Variants in ITPR3 observed in about 807,000 individuals in gnomAD.
ITPR3 encodes inositol 1,4,5-trisphosphate receptor type 3.
Under a neutral mutation model 293.2 loss-of-function variants are expected in ITPR3, and 173 were observed. The observed-to-expected ratio is 0.59, with a 90% CI of 0.52 to 0.67. The LOEUF is 0.67. Ranked by LOEUF, ITPR3 falls within the 30% of genes least tolerant of loss-of-function variation. ITPR3 has a pLI of 0.00. For synonymous variants in ITPR3, 1,295 were observed against 1,444.4 expected, an observed-to-expected ratio of 0.90 and a Z score of 2.35; for missense variants, 2,796 against 3,592.1, an observed-to-expected ratio of 0.78 and a Z score of 5.66.
intron 49 of ITPR3, 135 bp downstream of exon 49, chr6:33,688,916 C>G: frequency 5.8e-6 from 7 of 1,212,490 alleles, no homozygotes; most frequent in Non-Finnish European, 8.2e-6. Context: ...CCTGCGCCAT[C>G]CTGTGGGCTC....
rs2127280157 is a variant in ITPR3, at chr6:33,669,020, A to T, written c.2053A>T (p.Ile685Phe). 2 of 1,614,122 alleles carry T rather than the reference A, an allele frequency of 1.2e-6. No homozygotes were observed. The highest frequency in any genetic ancestry group is 2.2e-5 in the East Asian group (1 of 44,874). The part of the protein sequence containing the change: ...EMAQSHEYLS[I>F]EYSEEEVWLT... ...GGCCCAATCCCACGAGTACCTGAGCATCGAGTACTCAGAAGAGGAAGTGTG... is the reference window on the plus strand; with the variant it reads ...GGCCCAATCCCACGAGTACCTGAGCTTCGAGTACTCAGAAGAGGAAGTGTG... Residue 685 changes from isoleucine (I) to phenylalanine (F), a missense_variant, in exon 18 of 58, where the codon ATC becomes TTC. Ile to Phe is a conservative substitution (Grantham distance 21). Around this residue, in one of 8 missense-constraint regions of ITPR3, gnomAD observed 955 missense variants for 1,180.8 expected, o/e 0.81. Transcript: ENST00000605930.
Position 33,677,045 on chromosome 6 carries a change from C to T in ITPR3, c.3478C>T (p.Pro1160Ser). 6.2e-7 allele frequency: 1 copy of T among 1,614,168 alleles called. No homozygotes were observed. ...RPTDEEGFLHPPGEKSSENYQ... is the reference protein window; with the variant it reads ...RPTDEEGFLHSPGEKSSENYQ... ...CACGGACGAGGAGGGCTTTCTGCAC[C>T]CACCAGGGGAGAAAAGCAGTGAGAA... Residue 1160 changes from proline to serine, a missense_variant, in exon 27 of 58, where the codon CCA becomes TCA. Pro to Ser is a moderately conservative substitution (Grantham distance 74). Transcript: ENST00000605930.
At position 33,665,170 on chromosome 6, in the gene ITPR3, G is replaced by A. The variant is rs1229568516; in HGVS notation, c.1366G>A (p.Val456Met). Reference sequence around the variant, plus strand: ...CGCCAGCTCCATGCTGGCCAGTGCCGTGGAGAAACTCAACGAGGGCTTCAT... The same window carrying A: ...CGCCAGCTCCATGCTGGCCAGTGCCATGGAGAAACTCAACGAGGGCTTCAT... ...NDASSMLASA[V>M]EKLNEGFISQ... Residue 456 changes from valine (V) to methionine (M), a missense_variant, in exon 13 of 58, where the codon GTG becomes ATG. Coordinates refer to ENST00000605930, the MANE Select transcript of ITPR3 (RefSeq NM_002224.4). The A allele has an allele frequency of 1.2e-6, 2 of 1,614,186 alleles. No individual in the cohort carries two copies. The highest frequency in any genetic ancestry group is 1.7e-6 in the Non-Finnish European group (2 of 1,180,042).
intron 1 of ITPR3, among the ~76,000 whole-genome samples, chr6:33,627,172 C>T (rs995814408): frequency 6.6e-6 from 1 of 152,118 alleles, no homozygotes; most frequent in Non-Finnish European, 1.5e-5. Flanking sequence ...TACCTCAAGG[C>T]AGATTCTTGG....
At chr6:33,688,559 TC>T (rs1765302371) in intron 48 of ITPR3, 96 bp from the exon 49 acceptor site, 1 of 1,557,508 alleles carries the variant, frequency 6.4e-7, no homozygotes, top group East Asian at 2.3e-5. Context: ...GAAGGGCTCT[TC>T]CATGTGTGGC....
chr6:33,629,446 G>C (rs1473949168), intron 1 of ITPR3, among the ~76,000 whole-genome samples: 1 of 38,204 alleles, frequency 2.6e-5, no homozygotes, highest in Non-Finnish European at 5.3e-5. Context: ...ACAGCCACTG[G>C]GCCCAGGTTG....
intron 7 of ITPR3, among the ~76,000 whole-genome samples, chr6:33,661,991 T>TAAAA: frequency 1.2e-4 from 2 of 16,878 alleles, no homozygotes; most frequent in Non-Finnish European, 3.5e-4. Context: ...TGACTGTCTC[T>TAAAA]GAAAAAAAAA....
intron 1 of ITPR3, among the ~76,000 whole-genome samples, chr6:33,630,233 G>A (rs1443670830): frequency 6.6e-6 from 1 of 152,210 alleles, no homozygotes; most frequent in Admixed American, 6.5e-5. Flanking sequence ...AGGCGGGGTT[G>A]TGGTGTAGGC....
chr6:33,685,088 C>T, intron 39 of ITPR3, 145 bp downstream of exon 39: 1 of 1,002,080 alleles, frequency 1.0e-6, no homozygotes, highest in Non-Finnish European at 1.4e-6. Flanking sequence ...GAAGAGTGGG[C>T]ATGATGGGGG....
intron 2 of ITPR3, among the ~76,000 whole-genome samples, chr6:33,645,455 C>A (rs559721813): frequency 5.3e-5 from 8 of 152,318 alleles, no homozygotes; most frequent in African/African-American, 1.7e-4. Context: ...TTCCATTGGG[C>A]GATAAACTGA....
At chr6:33,649,474 C>G (rs1764140497) in intron 2 of ITPR3, among the ~76,000 whole-genome samples, 1 of 152,228 alleles carries the variant, frequency 6.6e-6, no homozygotes, top group Admixed American at 6.5e-5. Context: ...ATCCGCCTGC[C>G]TTGGCCTCCC....
rs1483520563 is a variant in ITPR3 at position 33,692,965 on chromosome 6, G to A, written c.7624+72G>A. On this transcript the variant is annotated intron_variant, in intron 55 of 57. Transcript: ENST00000605930. The surrounding 1 kb of genome is among the most constrained non-coding windows in gnomAD (Gnocchi z 4.2). Reference sequence around the variant, plus strand: ...GTCATCTGATGCCAGTGGCAGTAGCGGTTTGGCCCTTCCTGCCCTGGGGAA... The same window carrying A: ...GTCATCTGATGCCAGTGGCAGTAGCAGTTTGGCCCTTCCTGCCCTGGGGAA... The A allele has an allele frequency of 5.5e-5, 84 of 1,531,540 alleles. No homozygotes were observed. The highest frequency in any genetic ancestry group is 6.4e-5 in the Non-Finnish European group (72 of 1,119,648). The allele number at this position is 1,531,540 out of a possible 1,614,324, so 94.9% of individuals were successfully genotyped here.
rs1269392569 is a variant in ITPR3, at chr6:33,658,417, C to T, written c.370-253C>T. The stretch of plus-strand genomic sequence containing the variant: ...ATCGTTGTAGGTTACTTGAGCTAAT[C>T]TATGTAAAGTATTTAGAACAGCCTC... On this transcript the variant is annotated intron_variant, in intron 4 of 57. Transcript: ENST00000605930. This position sits in a 1 kb window ranked among gnomAD's most constrained non-coding sequence, Gnocchi z 6.1. 6.6e-6 allele frequency among the ~76,000 whole-genome samples: 1 copy of T among 152,154 alleles called. No homozygotes were observed. Among genetic ancestry groups the T allele is most frequent in the African/African-American group, 2.4e-5 (1 of 41,426 alleles).
intron 9 of ITPR3, 108 bp from the exon 10 acceptor site, chr6:33,663,392 C>A: frequency 1.8e-6 from 2 of 1,116,920 alleles, no homozygotes; most frequent in Non-Finnish European, 2.7e-6. Flanking sequence ...AGGGTGCAGC[C>A]TGCCTGCCCA....
chr6:33,670,913 G>A lies in ITPR3; in HGVS notation c.2586+98G>A. ...CCCAGGAGTCGGCTGTGGGATCCAT[G>A]ACCCCACTTCCTTCTGTGTCCCCAG... On this transcript the variant is annotated intron_variant, in intron 20 of 57. Transcript: ENST00000605930. The surrounding 1 kb of genome is among the most constrained non-coding windows in gnomAD (Gnocchi z 6.7). 5.4e-6 allele frequency: 8 copies of A among 1,468,994 alleles called. No homozygotes were observed. In the South Asian group the frequency reaches 1.0e-4, roughly 18 times the overall value. 91.0% of individuals were successfully genotyped at this position (1,468,994 alleles called of 1,614,324 possible). A position where few individuals can be genotyped will look rare whatever the true frequency, so the allele number is the denominator to read the frequency against.
chr6:33,645,406 C>A (rs1391124446), intron 2 of ITPR3, among the ~76,000 whole-genome samples: 1 of 152,214 alleles, frequency 6.6e-6, no homozygotes, highest in African/African-American at 2.4e-5. Context: ...TGAGTTGATA[C>A]ACATGGCTGT....
chr6:33,686,278 G>T, intron 42 of ITPR3, 25 bp downstream of exon 42: 1 of 1,609,480 alleles, frequency 6.2e-7, no homozygotes, highest in Non-Finnish European at 8.5e-7. Context: ...TGGCATAAGT[G>T]GCAGCCAGGG....
At chr6:33,678,399 T>C (rs1764968744) in intron 28 of ITPR3, 22 bp from the exon 29 acceptor site, 2 of 1,610,308 alleles carry the variant, frequency 1.2e-6, no homozygotes, top group African/African-American at 1.3e-5. Flanking sequence ...CCCAGCACCC[T>C]CTCCCTGACT....
At chr6:33,627,549 G>A (rs937673554) in intron 1 of ITPR3, among the ~76,000 whole-genome samples, 2 of 152,192 alleles carry the variant, frequency 1.3e-5, no homozygotes, top group African/African-American at 4.8e-5. Context: ...TTGCTGTTAA[G>A]AACAATTTGC....
Sources: gnomAD v4.1 joint callset for allele counts (sites outside exome capture counted in the v4.1 genomes callset) on GRCh38, gnomAD v4.1.1 for gene constraint, gnomAD v4.1.1 regional missense constraint, Gnocchi (gnomAD v3.1) non-coding constraint, MANE v1.5 for transcripts, NCBI Gene and HGNC (gene_info 2026-07-23, HGNC 2026-07-21) for gene names.